Variants in DYNLT3 observed in about 807,000 individuals in gnomAD.
The protein encoded by DYNLT3 is protein 91/23.
A neutral mutation model predicts 11.0 loss-of-function variants in DYNLT3; 4 were observed. The ratio of observed to expected loss-of-function variants is 0.36; its 90% confidence interval spans 0.18 to 0.83. The LOEUF is 0.83. DYNLT3 is among the 40% of genes least tolerant of loss of function. The pLI is 0.47. For missense variants in DYNLT3, 91 were observed against 91.1 expected (o/e 1.00, Z 0.01); for synonymous variants, 37 against 31.2 (o/e 1.18, Z -0.61).
chrX:37,845,351 C>CTT (rs1462265272), intron 2 of DYNLT3, among the ~76,000 whole-genome samples: 1 of 112,144 alleles, frequency 8.9e-6, no homozygotes, highest in African/African-American at 3.2e-5. Flanking sequence ...CAAAAAATAC[C>CTT]TTTCCCACAC....
At chrX:37,842,669 T>C (rs1569482009) in intron 2 of DYNLT3, among the ~76,000 whole-genome samples, 2 of 111,808 alleles carry the variant, frequency 1.8e-5, no homozygotes, top group Non-Finnish European at 3.8e-5. Flanking sequence ...CTTTAGCAAG[T>C]GACTTAACCC....
intron 2 of DYNLT3, among the ~76,000 whole-genome samples, chrX:37,845,453 A>G (rs759817652): frequency 2.7e-5 from 3 of 112,414 alleles, no homozygotes; most frequent in Admixed American, 9.4e-5. Context: ...GCCTAAAAGG[A>G]GTTTCAAATA....
At chrX:37,844,327 C>T (rs1166550741) in intron 2 of DYNLT3, among the ~76,000 whole-genome samples, 3 of 111,756 alleles carry the variant, frequency 2.7e-5, no homozygotes, top group Non-Finnish European at 3.8e-5. Flanking sequence ...TCCTTCCCAC[C>T]CTTTCCTTTC....
In DYNLT3 at chrX:37,847,532, G is replaced by C. The variant is rs756508167; in HGVS notation, c.-22C>G. On this transcript the variant is annotated 5_prime_UTR_variant, in exon 1 of 5. Coordinates refer to ENST00000378578, the MANE Select transcript of DYNLT3 (RefSeq NM_006520.3). Reference sequence around the variant, plus strand: ...CCATGGTAGCGCCGGCTCTCCCTGGGGCGGAGCGACACGCCGGTAGAGCAC... The same window carrying C: ...CCATGGTAGCGCCGGCTCTCCCTGGCGCGGAGCGACACGCCGGTAGAGCAC... 1.0e-6 allele frequency: 1 copy of C among 967,866 alleles called. No homozygotes were observed. The highest frequency in any genetic ancestry group is 1.3e-6 in the Non-Finnish European group (1 of 768,951). 79.8% of individuals were successfully genotyped at this position (967,866 alleles called of 1,213,427 possible). A position where few individuals can be genotyped will look rare whatever the true frequency, so the allele number is the denominator to read the frequency against.
At chrX:37,841,930 A>T in intron 2 of DYNLT3, 25 bp from the exon 3 acceptor site, 8 of 1,078,758 alleles carry the variant, frequency 7.4e-6, no homozygotes, top group Non-Finnish European at 9.8e-6. Context: ...AGGGCAGTTA[A>T]TTTAGTCAGT....
In DYNLT3 at chrX:37,840,751, TACACACAC is replaced by T. The variant is rs748163046; in HGVS notation, c.275-108_275-101del. ...ACACACACACACACACACACACATA[TACACACAC>T]ACACACACACACACACACACACACA... On this transcript the variant is annotated intron_variant, in intron 4 of 4. Coordinates refer to ENST00000378578, the MANE Select transcript of DYNLT3 (RefSeq NM_006520.3). 466 of 315,715 alleles carry T rather than the reference TACACACAC, an allele frequency of 1.5e-3. 5 individuals carry two copies. The highest frequency in any genetic ancestry group is 0.015 in the African/African-American group (371 of 25,388). The allele number at this position is 315,715 out of a possible 1,213,427, so 26.0% of individuals were successfully genotyped here.
In DYNLT3 at chrX:37,841,977, C is replaced by T. The variant is rs746351037; in HGVS notation, c.73-72G>A. 3,151 of 946,861 alleles carry T rather than the reference C, an allele frequency of 3.3e-3. 5 individuals carry two copies. The highest frequency in any genetic ancestry group is 4.1e-3 in the Non-Finnish European group (3,014 of 730,041). 78.0% of individuals were successfully genotyped at this position (946,861 alleles called of 1,213,427 possible). A position where few individuals can be genotyped will look rare whatever the true frequency, so the allele number is the denominator to read the frequency against. On this transcript the variant is annotated intron_variant, in intron 2 of 4. Coordinates refer to ENST00000378578, the MANE Select transcript of DYNLT3 (RefSeq NM_006520.3). ...AAAAGAACAATTTTTACACAAATTGCAGTAAAAATTTATTCAAAACATAAA... is the reference window on the plus strand; with the variant it reads ...AAAAGAACAATTTTTACACAAATTGTAGTAAAAATTTATTCAAAACATAAA...
At position 37,841,814 on chromosome X, in the gene DYNLT3, A is replaced by C; in HGVS notation, c.164T>G (p.Leu55Arg). ...TTTATAGGCTTTTCCCAACTTAACC[A>C]GGTGTGTTAAGGATTGTTCCACTAT... The part of the protein sequence containing the change: ...ASIVEQSLTH[L>R]VKLGKAYKYI... The change falls in exon 3 of 5, where the codon CTG becomes CGG. Residue 55 changes from leucine (L) to arginine (R), a missense_variant. Physicochemically the swap from Leu to Arg is moderately radical, Grantham distance 102. Coordinates refer to ENST00000378578, the MANE Select transcript of DYNLT3 (RefSeq NM_006520.3). 8.5e-7 allele frequency: 1 copy of C among 1,174,789 alleles called. No individual in the cohort carries two copies. Among genetic ancestry groups the C allele is most frequent in the Non-Finnish European group, 1.1e-6 (1 of 869,849 alleles).
chrX:37,847,340 G>T, intron 1 of DYNLT3, 141 bp downstream of exon 1: 6 of 907,240 alleles, frequency 6.6e-6, no homozygotes, highest in Non-Finnish European at 8.6e-6. Flanking sequence ...GCGGATCCCG[G>T]GCCCAGGGGA....
intron 2 of DYNLT3, among the ~76,000 whole-genome samples, chrX:37,843,067 G>C (rs1467656791): frequency 1.8e-5 from 2 of 111,927 alleles, no homozygotes; most frequent in Non-Finnish European, 3.8e-5. Context: ...TCTTAAGTTG[G>C]ATAGTATAAA....
Position 37,839,832 on chromosome X carries a change from C to A in DYNLT3, c.*743G>T, listed in dbSNP as rs1407019038. On this transcript the variant is annotated 3_prime_UTR_variant, in exon 5 of 5. Transcript: ENST00000378578. ...AGCAGAGACATATGCCCATAATAGG[C>A]ATCTGATAAATGTTTGTTCCACATG... 8.9e-6 allele frequency: 1 copy of A among 112,298 alleles called. No homozygotes were observed. The highest frequency in any genetic ancestry group is 1.9e-5 in the Non-Finnish European group (1 of 53,180). The allele number at this position is 112,298 out of a possible 1,213,427, so 9.3% of individuals were successfully genotyped here.
chrX:37,841,648 G>T, intron 3 of DYNLT3, 134 bp downstream of exon 3: 1 of 621,456 alleles, frequency 1.6e-6, no homozygotes, highest in Non-Finnish European at 2.2e-6. Context: ...ATCTTTGAAT[G>T]AGTAAATCAG....
At position 37,841,864 on chromosome X, in the gene DYNLT3, G is replaced by T; in HGVS notation, c.114C>A (p.Asn38Lys). 1 of 1,156,704 alleles carries T rather than the reference G, an allele frequency of 8.6e-7. No individual in the cohort carries two copies. Among genetic ancestry groups the T allele is most frequent in the Non-Finnish European group, 1.2e-6 (1 of 858,150 alleles). The stretch of plus-strand genomic sequence containing the variant: ...TGCTTGCAGTCCACTGGTTGATGTT[G>T]TTGTGATTATAATCTTCACCACCTA... ...GVLGGEDYNH[N>K]NINQWTASIV... The change falls in exon 3 of 5, where the codon AAC (asparagine) becomes AAA (lysine). Residue 38 changes from asparagine to lysine, a missense_variant. By Grantham distance (94) the Asn-to-Lys change is moderately conservative. Coordinates refer to ENST00000378578, the MANE Select transcript of DYNLT3 (RefSeq NM_006520.3).
intron 4 of DYNLT3, 138 bp from the exon 5 acceptor site, chrX:37,840,789 CATATAT>C (rs747173927): frequency 4.4e-5 from 11 of 247,503 alleles, no homozygotes; most frequent in Admixed American, 1.5e-4. Flanking sequence ...CACACACACA[CATATAT>C]ATATATATAT....
chrX:37,847,028 C>T, intron 1 of DYNLT3: 4 of 1,166,514 alleles, frequency 3.4e-6, no homozygotes, highest in Non-Finnish European at 4.6e-6. Context: ...CTTGCCTAAT[C>T]CTGGCAAGCA....
chrX:37,846,167 T>A lies in DYNLT3; in HGVS notation c.72+150A>T, dbSNP rs112036205. ...GCATGGGTGACAGAGCGAGACTCCA[T>A]CTCAAAAAACAATAAAATAAAATAA... is the stretch of plus-strand genomic sequence containing the variant. On this transcript the variant is annotated intron_variant, in intron 2 of 4. Coordinates refer to ENST00000378578, the MANE Select transcript of DYNLT3 (RefSeq NM_006520.3). 0.017 allele frequency: 9,812 copies of A among 587,165 alleles called. 717 individuals are homozygous for A. The African/African-American group carries it at 0.2, about 12-fold the overall frequency. The allele number at this position is 587,165 out of a possible 1,213,427, so 48.4% of individuals were successfully genotyped here. A position where few individuals can be genotyped will look rare whatever the true frequency, so the allele number is the denominator to read the frequency against.
At chrX:37,843,686 C>T (rs777656837) in intron 2 of DYNLT3, among the ~76,000 whole-genome samples, 2 of 111,782 alleles carry the variant, frequency 1.8e-5, no homozygotes, top group African/African-American at 3.2e-5. Context: ...CTATTACTAA[C>T]ACTAAAGAAA....
intron 2 of DYNLT3, among the ~76,000 whole-genome samples, chrX:37,845,554 C>T (rs1930252305): frequency 1.8e-5 from 2 of 112,461 alleles, no homozygotes; most frequent in African/African-American, 6.5e-5. Context: ...AAAAAGTGTA[C>T]ATGCCCAAAG....
rs943468420 is a variant in DYNLT3 at position 37,840,905 on chromosome X, C to T, written c.274+123G>A. On this transcript the variant is annotated intron_variant, in intron 4 of 4. Transcript: ENST00000378578. Reference sequence around the variant, plus strand: ...CTGAAGGTATACTTGTTACTAGGTACAAAGCAATACTGTTGATAGTCTTTT... The same window carrying T: ...CTGAAGGTATACTTGTTACTAGGTATAAAGCAATACTGTTGATAGTCTTTT... The T allele has an allele frequency of 7.8e-5, 57 of 731,820 alleles. 1 individual carries two copies. Among genetic ancestry groups the T allele is most frequent in the Admixed American group, 4.7e-4 (16 of 34,281 alleles). 60.3% of individuals were successfully genotyped at this position (731,820 alleles called of 1,213,427 possible).
Sources: gnomAD v4.1 joint callset for allele counts (sites outside exome capture counted in the v4.1 genomes callset) on GRCh38, gnomAD v4.1.1 for gene constraint, MANE v1.5 for transcripts, NCBI Gene and HGNC (gene_info 2026-07-23, HGNC 2026-07-21) for gene names.